TBC1D32: variants seen among roughly 807,000 people sequenced by gnomAD.
TBC1D32 encodes the protein TBC1 domain family member 32, also known as protein broad-minded.
A neutral mutation model predicts 170.3 loss-of-function variants in TBC1D32; 151 were observed. The observed-to-expected ratio is 0.89, with a 90% CI of 0.78 to 1.01. The LOEUF (loss-of-function observed/expected upper bound fraction) is 1.01. TBC1D32 is among the 50% of genes least tolerant of loss of function. The pLI is 0.00. For missense variants in TBC1D32, 1,464 were observed against 1,457.1 expected (o/e 1.00, Z -0.08); for synonymous variants, 498 against 488.0 (o/e 1.02, Z -0.27).
rs934924792 is a variant in TBC1D32 at position 121,276,528 on chromosome 6, C to CA, written c.1733+2592dup. On this transcript the variant is annotated intron_variant, in intron 15 of 31. Coordinates refer to ENST00000398212, the MANE Select transcript of TBC1D32 (RefSeq NM_152730.6). ...AAAAGAGTAGAACACAAAAAAAGGGCAAAAAATACAGTAAATATTAACCTA... is the reference window on the plus strand; with the variant it reads ...AAAAGAGTAGAACACAAAAAAAGGGCAAAAAAATACAGTAAATATTAACCTA... 3.0e-3 allele frequency among the ~76,000 whole-genome samples: 451 copies of CA among 151,902 alleles called. 4 individuals are homozygous for CA. The highest frequency in any genetic ancestry group is 0.011 in the African/African-American group (444 of 41,450).
chr6:121,206,960 G>C (rs911353622), intron 21 of TBC1D32, among the ~76,000 whole-genome samples: 11 of 152,144 alleles, frequency 7.2e-5, no homozygotes, highest in African/African-American at 2.7e-4. Context: ...CAGAGCCACA[G>C]AGATTGCTAT....
intron 4 of TBC1D32, 70 bp from the exon 5 acceptor site, chr6:121,308,171 T>C: frequency 7.0e-7 from 1 of 1,419,094 alleles, no homozygotes; most frequent in South Asian, 1.2e-5. Context: ...CAAAACAATA[T>C]TTAACAAACT....
At chr6:121,225,551 T>C (rs1266556952) in intron 20 of TBC1D32, among the ~76,000 whole-genome samples, 1 of 152,066 alleles carries the variant, frequency 6.6e-6, no homozygotes, top group Non-Finnish European at 1.5e-5. Context: ...ACATGAAGAA[T>C]TCAATTGATG....
At chr6:121,243,323 G>T (rs1260055702) in intron 17 of TBC1D32, among the ~76,000 whole-genome samples, 1 of 152,000 alleles carries the variant, frequency 6.6e-6, no homozygotes, top group Non-Finnish European at 1.5e-5. Context: ...TTGGGGGAAG[G>T]AAAACTATGT....
rs1405937466 is a variant in TBC1D32, at chr6:121,079,874, C to G, written c.*897G>C. ...GTATGAAATAACCAATCTATCTCTT[C>G]AATGAACCATGTAAAGACTTCATTT... On this transcript the variant is annotated 3_prime_UTR_variant, in exon 32 of 32. Coordinates refer to ENST00000398212, the MANE Select transcript of TBC1D32 (RefSeq NM_152730.6). 1 of 152,086 alleles carries G rather than the reference C, an allele frequency of 6.6e-6. No homozygotes were observed. Among genetic ancestry groups the G allele is most frequent in the Non-Finnish European group, 1.5e-5 (1 of 68,008 alleles). 9.4% of individuals were successfully genotyped at this position (152,086 alleles called of 1,614,324 possible). A position where few individuals can be genotyped will look rare whatever the true frequency, so the allele number is the denominator to read the frequency against.
Position 121,227,938 on chromosome 6 carries a change from A to C in TBC1D32, c.2365-4586T>G, listed in dbSNP as rs980705357. 2.0e-5 allele frequency among the ~76,000 whole-genome samples: 3 copies of C among 152,252 alleles called. No homozygotes were observed. The South Asian group carries it at 6.2e-4, about 32-fold the overall frequency. The stretch of plus-strand genomic sequence containing the variant: ...ACCATCTGTTTTTCTCTGTGTAAGG[A>C]GGTTCTTACTGACAAATTCAATTTC... On this transcript the variant is annotated intron_variant, in intron 20 of 31. Coordinates refer to ENST00000398212, the MANE Select transcript of TBC1D32 (RefSeq NM_152730.6).
At chr6:121,267,771 T>A (rs1430149369) in intron 15 of TBC1D32, among the ~76,000 whole-genome samples, 1 of 152,114 alleles carries the variant, frequency 6.6e-6, no homozygotes, top group Admixed American at 6.6e-5. Context: ...GTAGTGGTTC[T>A]CCCTCTCTCC....
chr6:121,297,047 AT>A (rs1805756028), intron 10 of TBC1D32, among the ~76,000 whole-genome samples: 1 of 151,928 alleles, frequency 6.6e-6, no homozygotes, highest in African/African-American at 2.4e-5. Flanking sequence ...TTTCCCTTAT[AT>A]TTTCTTAAAC....
intron 2 of TBC1D32, among the ~76,000 whole-genome samples, chr6:121,320,048 TA>T (rs1288470327): frequency 1.3e-5 from 2 of 152,004 alleles, no homozygotes; most frequent in East Asian, 3.9e-4. Context: ...TAGTGTATAT[TA>T]TATAGATCCT....
intron 24 of TBC1D32, among the ~76,000 whole-genome samples, chr6:121,145,364 A>T (rs1223340493): frequency 6.6e-6 from 1 of 152,178 alleles, no homozygotes; most frequent in South Asian, 2.1e-4. Flanking sequence ...TAACCCAGGC[A>T]CAGAAAGAAA....
chr6:121,149,206 T>C (rs1466748358), intron 24 of TBC1D32, among the ~76,000 whole-genome samples: 3 of 152,176 alleles, frequency 2.0e-5, no homozygotes, highest in Non-Finnish European at 4.4e-5. Flanking sequence ...ATTCTGTAGG[T>C]TGCCTGTTCA....
chr6:121,223,270 T>G lies in TBC1D32; in HGVS notation c.2447A>C (p.Glu816Ala). The change falls in exon 21 of 32, where the codon GAA becomes GCA. Residue 816 changes from glutamate to alanine, a missense_variant. Physicochemically the swap from Glu to Ala is moderately radical, Grantham distance 107. Around this residue, in one of 3 missense-constraint regions of TBC1D32, gnomAD observed 1,363 missense variants for 1,338.1 expected, o/e 1.02. Transcript: ENST00000398212. ...VRNQDLPNKTEYSLREVPTCV... is the reference protein window; with the variant it reads ...VRNQDLPNKTAYSLREVPTCV... ...TGTTGGGACTTCACGAAGAGAATATTCTGTTTTATTAGGAAGATCTTGATT... is the reference window on the plus strand; with the variant it reads ...TGTTGGGACTTCACGAAGAGAATATGCTGTTTTATTAGGAAGATCTTGATT... 2 of 1,587,210 alleles carry G rather than the reference T, an allele frequency of 1.3e-6. No individual in the cohort carries two copies. The highest frequency in any genetic ancestry group is 8.5e-7 in the Non-Finnish European group (1 of 1,170,368).
intron 14 of TBC1D32, among the ~76,000 whole-genome samples, chr6:121,279,700 G>A (rs1160558771): frequency 1.3e-5 from 2 of 151,874 alleles, no homozygotes; most frequent in Admixed American, 6.6e-5. Flanking sequence ...TCCAACTAGG[G>A]ATAGCCAATT....
At chr6:121,219,910 T>C (rs1019134356) in intron 21 of TBC1D32, among the ~76,000 whole-genome samples, 4 of 152,210 alleles carry the variant, frequency 2.6e-5, no homozygotes, top group Non-Finnish European at 5.9e-5. Context: ...TGGTAATCTT[T>C]GATGTTACTA....
intron 17 of TBC1D32, among the ~76,000 whole-genome samples, chr6:121,245,851 C>A (rs930667480): frequency 2.0e-5 from 3 of 151,974 alleles, no homozygotes; most frequent in Non-Finnish European, 2.9e-5. Flanking sequence ...AATAGCTGAA[C>A]ACTGGAACAG....
At chr6:121,295,920 T>A (rs1202381372) in intron 10 of TBC1D32, among the ~76,000 whole-genome samples, 1 of 150,758 alleles carries the variant, frequency 6.6e-6, no homozygotes, top group African/African-American at 2.4e-5. Context: ...AGGGCTCTCA[T>A]CATTCTGAGA....
At chr6:121,240,788 T>C (rs1796878366) in intron 19 of TBC1D32, among the ~76,000 whole-genome samples, 1 of 150,976 alleles carries the variant, frequency 6.6e-6, no homozygotes, top group Non-Finnish European at 1.5e-5. Flanking sequence ...CTCAGCAGAA[T>C]TGCTTGAACC....
At chr6:121,288,865 A>G (rs201424450) in intron 12 of TBC1D32, among the ~76,000 whole-genome samples, 1 of 152,014 alleles carries the variant, frequency 6.6e-6, no homozygotes, top group African/African-American at 2.4e-5. Flanking sequence ...AAATCAATAA[A>G]CGTAATCCAG....
At chr6:121,270,312 T>C (rs1445119814) in intron 15 of TBC1D32, among the ~76,000 whole-genome samples, 1 of 151,862 alleles carries the variant, frequency 6.6e-6, no homozygotes, top group Non-Finnish European at 1.5e-5. Flanking sequence ...TCAAAAAAAA[T>C]CAATGAATCC....
Sources: allele counts gnomAD v4.1 joint callset (sites outside exome capture counted in the v4.1 genomes callset), GRCh38; gene constraint gnomAD v4.1.1; regional missense constraint gnomAD v4.1.1; transcripts MANE v1.5; gene names NCBI Gene and HGNC (gene_info 2026-07-23, HGNC 2026-07-21).